The following L3MBTL4 variants were observed in gnomAD, a reference collection of about 807,000 sequenced individuals.
L3MBTL4 encodes lethal(3)malignant brain tumor-like protein 4.
In L3MBTL4, 70 loss-of-function variants were observed where a neutral mutation model predicts 84.5. The observed-to-expected ratio is 0.83, with a 90% CI of 0.68 to 1.01. L3MBTL4 has a LOEUF of 1.01. Ranked by LOEUF, L3MBTL4 falls within the 50% of genes least tolerant of loss-of-function variation. L3MBTL4 has a pLI of 0.00. For synonymous variants in L3MBTL4, 274 were observed against 259.8 expected, an observed-to-expected ratio of 1.05 and a Z score of -0.52; for missense variants, 715 against 754.8, an observed-to-expected ratio of 0.95 and a Z score of 0.62.
intron 4 of L3MBTL4, among the ~76,000 whole-genome samples, chr18:6,274,172 G>A (rs1481027966): frequency 6.6e-6 from 1 of 152,226 alleles, no homozygotes; most frequent in Non-Finnish European, 1.5e-5. Flanking sequence ...CTCAAAGTGT[G>A]ATACCCAAAC....
chr18:6,215,838 G>A lies in L3MBTL4; in HGVS notation c.785-3C>T, dbSNP rs1434056108. On this transcript the variant is annotated splice_region_variant and splice_polypyrimidine_tract_variant and intron_variant, in intron 10 of 18. Transcript: ENST00000317931. ...AAAATTTTCTGGATTGGGATAACCT[G>A]AAAATATATATATATAAATAGCAAA... The A allele has an allele frequency of 6.6e-7, 1 of 1,505,764 alleles. No homozygotes were observed. The highest frequency in any genetic ancestry group is 1.4e-5 in the African/African-American group (1 of 71,756). The allele number at this position is 1,505,764 out of a possible 1,614,324, so 93.3% of individuals were successfully genotyped here. A position where few individuals can be genotyped will look rare whatever the true frequency, so the allele number is the denominator to read the frequency against.
intron 1 of L3MBTL4, among the ~76,000 whole-genome samples, chr18:6,389,361 T>C (rs565381299): frequency 4.9e-4 from 75 of 152,100 alleles, no homozygotes; most frequent in African/African-American, 1.7e-3. Flanking sequence ...ATAAAACTCA[T>C]AAAAACCTGT....
At chr18:6,034,482 A>AT (rs1391626261) in intron 16 of L3MBTL4, among the ~76,000 whole-genome samples, 16 of 152,114 alleles carry the variant, frequency 1.1e-4, no homozygotes, top group African/African-American at 3.6e-4. Context: ...TGAACTCATC[A>AT]TTTTTTATGG....
At position 6,212,439 on chromosome 18, in the gene L3MBTL4, A is replaced by C. The variant is rs1051225958; in HGVS notation, c.981+710T>G. ...TATTATGAAAAGAAACTATACTTGCATGGAAAATAACTTTTGAGCTGTAAT... is the reference window on the plus strand; with the variant it reads ...TATTATGAAAAGAAACTATACTTGCCTGGAAAATAACTTTTGAGCTGTAAT... On this transcript the variant is annotated intron_variant, in intron 12 of 18. Transcript: ENST00000317931. 2.0e-5 allele frequency among the ~76,000 whole-genome samples: 3 copies of C among 152,220 alleles called. No individual in the cohort carries two copies. In the East Asian group the frequency reaches 5.8e-4, roughly 29 times the overall value.
intron 1 of L3MBTL4, among the ~76,000 whole-genome samples, chr18:6,404,230 C>T (rs2144680267): frequency 1.3e-5 from 2 of 152,210 alleles, no homozygotes; most frequent in Middle Eastern, 3.4e-3. Context: ...CACCTGTTCC[C>T]CCGAAAAGCT....
chr18:6,258,270 C>T (rs1164712541), intron 5 of L3MBTL4, among the ~76,000 whole-genome samples: 3 of 152,214 alleles, frequency 2.0e-5, no homozygotes, highest in East Asian at 1.9e-4. Context: ...CACAGAAGGA[C>T]GGCCAGACAA....
chr18:6,287,075 T>C (rs546783384), intron 4 of L3MBTL4, among the ~76,000 whole-genome samples: 1 of 152,302 alleles, frequency 6.6e-6, no homozygotes, highest in African/African-American at 2.4e-5. Context: ...AATTTGACTT[T>C]TGTGTAGTCA....
In L3MBTL4 at chr18:6,241,544, C is replaced by T. The variant is rs1370046564; in HGVS notation, c.461-95G>A. 5 of 671,098 alleles carry T rather than the reference C, an allele frequency of 7.5e-6. No homozygotes were observed. In the Admixed American group the frequency reaches 8.7e-5, roughly 12 times the overall value. The allele number at this position is 671,098 out of a possible 1,614,324, so 41.6% of individuals were successfully genotyped here. A position where few individuals can be genotyped will look rare whatever the true frequency, so the allele number is the denominator to read the frequency against. On this transcript the variant is annotated intron_variant, in intron 7 of 18. Coordinates refer to ENST00000317931, the MANE Select transcript of L3MBTL4 (RefSeq NM_001330559.2). Reference sequence around the variant, plus strand: ...GGTGCAAAAGTAAGTGCGGTTTTGGCCATTACTTTTAATGGAAAAAAAACG... The same window carrying T: ...GGTGCAAAAGTAAGTGCGGTTTTGGTCATTACTTTTAATGGAAAAAAAACG...
Position 6,273,467 on chromosome 18 carries a change from T to G in L3MBTL4, c.128-9429A>C, listed in dbSNP as rs558512401. Among the ~76,000 whole-genome samples the G allele has an allele frequency of 3.7e-5, 5 of 136,434 alleles. No homozygotes were observed. In the East Asian group the frequency reaches 1.1e-3, roughly 30 times the overall value. 89.5% of individuals were successfully genotyped at this position (136,434 alleles called of 152,430 possible). ...ACGGGGAAAGGGAGAGTTGTGCAAATTCAACTAGGACTGAATATAAGGAAT... is the reference window on the plus strand; with the variant it reads ...ACGGGGAAAGGGAGAGTTGTGCAAAGTCAACTAGGACTGAATATAAGGAAT... On this transcript the variant is annotated intron_variant, in intron 4 of 18. Transcript: ENST00000317931.
At chr18:6,217,350 G>T (rs555301447) in intron 10 of L3MBTL4, among the ~76,000 whole-genome samples, 1 of 152,064 alleles carries the variant, frequency 6.6e-6, no homozygotes, top group Non-Finnish European at 1.5e-5. Flanking sequence ...GTTTTCTTCT[G>T]TTTTTCCCTT....
chr18:6,034,922 G>GT (rs1379884417), intron 16 of L3MBTL4, among the ~76,000 whole-genome samples: 2 of 150,328 alleles, frequency 1.3e-5, no homozygotes, highest in Non-Finnish European at 3.0e-5. Context: ...TTTTTCATGT[G>GT]TTTTTTGGCT....
At chr18:6,271,488 G>A (rs1346929467) in intron 4 of L3MBTL4, among the ~76,000 whole-genome samples, 1 of 152,202 alleles carries the variant, frequency 6.6e-6, no homozygotes, top group South Asian at 2.1e-4. Context: ...CGAAGCTGCC[G>A]GGCACCAGGC....
rs999667108 is a variant in L3MBTL4, at chr18:6,134,736, T to C, written c.1199+3458A>G. ...ATGGTCTTGGGCAGCTCCACCCCTG[T>C]GGCTTTGCAGGGTACAGCCTCCCTC... On this transcript the variant is annotated intron_variant, in intron 14 of 18. Transcript: ENST00000317931. Among the ~76,000 whole-genome samples, 4 of 152,220 alleles carry C rather than the reference T, an allele frequency of 2.6e-5. 1 individual carries two copies. The highest frequency in any genetic ancestry group is 9.6e-5 in the African/African-American group (4 of 41,460).
intron 14 of L3MBTL4, among the ~76,000 whole-genome samples, chr18:6,130,167 C>A (rs990369874): frequency 1.3e-5 from 2 of 152,082 alleles, no homozygotes; most frequent in East Asian, 1.9e-4. Context: ...GGCGATTTGC[C>A]TCATACTGCA....
At chr18:6,287,246 G>T (rs745778508) in intron 4 of L3MBTL4, among the ~76,000 whole-genome samples, 6 of 152,036 alleles carry the variant, frequency 3.9e-5, no homozygotes, top group South Asian at 2.1e-4. Context: ...ATTTAAACAG[G>T]CTGTTTTTCT....
At chr18:6,346,991 A>T (rs2052938313) in intron 1 of L3MBTL4, among the ~76,000 whole-genome samples, 1 of 152,192 alleles carries the variant, frequency 6.6e-6, no homozygotes, top group African/African-American at 2.4e-5. Context: ...AGCATTACTC[A>T]GCCTTTAAAA....
chr18:6,240,728 A>G (rs2047415855), intron 8 of L3MBTL4, among the ~76,000 whole-genome samples: 1 of 152,232 alleles, frequency 6.6e-6, no homozygotes, highest in South Asian at 2.1e-4. Context: ...TCTAGGAAAC[A>G]TATTTAACGA....
At chr18:6,325,909 T>C (rs1190946930) in intron 1 of L3MBTL4, among the ~76,000 whole-genome samples, 1 of 152,218 alleles carries the variant, frequency 6.6e-6, no homozygotes, top group Admixed American at 6.5e-5. Context: ...TTTTTCTGCT[T>C]TGAAACCCCT....
intron 12 of L3MBTL4, among the ~76,000 whole-genome samples, chr18:6,173,153 T>A (rs1238707385): frequency 1.3e-5 from 2 of 152,228 alleles, no homozygotes; most frequent in Admixed American, 6.5e-5. Flanking sequence ...GAGATTACAG[T>A]AATAACTTTC....
Sources: allele counts gnomAD v4.1 joint callset (sites outside exome capture counted in the v4.1 genomes callset), GRCh38; gene constraint gnomAD v4.1.1; transcripts MANE v1.5; gene names NCBI Gene and HGNC (gene_info 2026-07-23, HGNC 2026-07-21).